The following WDR4 variants were observed in gnomAD, a reference collection of about 807,000 sequenced individuals.
WDR4 encodes the protein WDR4 tRNA N7-guanosine methyltransferase non-catalytic subunit.
A neutral mutation model predicts 48.6 loss-of-function variants in WDR4; 47 were observed. That is an observed-to-expected ratio of 0.97 (90% CI 0.77 to 1.23). The LOEUF (loss-of-function observed/expected upper bound fraction) is 1.23, where lower values mean the gene tolerates loss of function less well. WDR4 is among the 50% of genes most tolerant of loss of function. The pLI is 0.00. For missense variants in WDR4, 606 were observed against 551.6 expected, an observed-to-expected ratio of 1.10 and a Z score of -0.99; for synonymous variants, 268 against 230.0, an observed-to-expected ratio of 1.17 and a Z score of -1.49.
At chr21:42,859,045 G>A (rs1412022419) in intron 6 of WDR4, among the ~76,000 whole-genome samples, 2 of 152,050 alleles carry the variant, frequency 1.3e-5, no homozygotes, top group East Asian at 1.9e-4. Flanking sequence ...GAGAAAACAC[G>A]TCTCTCATCA....
At chr21:42,886,272 A>G in the WDR4 span, among the ~76,000 whole-genome samples, 1 of 152,100 alleles carries the variant, frequency 6.6e-6, no homozygotes. Flanking sequence ...TTTTTTTAAG[A>G]ACATTCACGT....
At chr21:42,859,605 C>CA in intron 6 of WDR4, 57 bp downstream of exon 6, 1 of 1,071,984 alleles carries the variant, frequency 9.3e-7, no homozygotes, top group Non-Finnish European at 1.4e-6. Flanking sequence ...GCGCCCACCC[C>CA]ACCCTCCCTG....
intron 6 of WDR4, among the ~76,000 whole-genome samples, chr21:42,856,088 C>T (rs1009826464): frequency 4.6e-5 from 7 of 152,316 alleles, no homozygotes; most frequent in Non-Finnish European, 8.8e-5. Flanking sequence ...GGTTGTCATC[C>T]GCCAGGAGGC....
At position 42,873,616 on chromosome 21, in the gene WDR4, A is replaced by G. The variant is rs1465907334; in HGVS notation, c.231T>C (p.Ala77=). ...TCAGACGCTTACTGTCATCGGTTAA[A>G]GCAAAATAGCTGCCAGACTTGGAGA... is the stretch of plus-strand genomic sequence containing the variant. ...STFSKSGSYF[A]LTDDSKRLIL... Residue 77 remains alanine (A), a synonymous_variant, in exon 3 of 11, where the codon GCT becomes GCC. Coordinates refer to ENST00000398208, the MANE Select transcript of WDR4 (RefSeq NM_018669.6). 7 of 1,614,222 alleles carry G rather than the reference A, an allele frequency of 4.3e-6. No homozygotes were observed. The highest frequency in any genetic ancestry group is 3.3e-4 in the Middle Eastern group (2 of 6,062).
chr21:42,863,569 C>T lies in WDR4; in HGVS notation c.324G>A (p.Leu108=), dbSNP rs1484984953. Residue 108 remains leucine (L), a synonymous_variant, in exon 4 of 11, where the codon CTG becomes CTA. Transcript: ENST00000398208. ...VRTVARRCTA[L]TFIASEEKVL... ...CCTTCTCCTCCGAGGCTATGAAAGT[C>T]AGGGCTGTACACCTCCTTGCCACGG... 1 of 1,613,932 alleles carries T rather than the reference C, an allele frequency of 6.2e-7. No homozygotes were observed. The highest frequency in any genetic ancestry group is 8.5e-7 in the Non-Finnish European group (1 of 1,179,968).
intron 3 of WDR4, among the ~76,000 whole-genome samples, chr21:42,872,995 G>C (rs2058406668): frequency 6.6e-6 from 1 of 152,230 alleles, no homozygotes; most frequent in Non-Finnish European, 1.5e-5. Flanking sequence ...ACTTTGCTAA[G>C]TAAGAGGGCA....
At position 42,860,062 on chromosome 21, in the gene WDR4, G is replaced by A. The variant is rs373949638; in HGVS notation, c.567-340C>T. 3.3e-4 allele frequency among the ~76,000 whole-genome samples: 50 copies of A among 152,220 alleles called. 1 individual carries two copies. The East Asian group carries it at 5.2e-3, about 16-fold the overall frequency. The stretch of plus-strand genomic sequence containing the variant: ...CCCCTCTGCAGCAGCTCTGCTCAGC[G>A]GCACCTCTACAGGCCCCCCAGCACC... On this transcript the variant is annotated intron_variant, in intron 5 of 10. Coordinates refer to ENST00000398208, the MANE Select transcript of WDR4 (RefSeq NM_018669.6).
intron 8 of WDR4, among the ~76,000 whole-genome samples, chr21:42,854,274 C>T (rs1050670671): frequency 2.6e-5 from 4 of 152,232 alleles, no homozygotes; most frequent in Middle Eastern, 3.2e-3. Context: ...GATGCCACCA[C>T]GACTGGCCCA....
rs997910764 is a variant in WDR4, at chr21:42,849,732, T to C, written c.*317A>G. ...GATGCAGCGGACACGAAGGGCGGTA[T>C]GAGAACAGGAGAAACACAGACAGCT... On this transcript the variant is annotated 3_prime_UTR_variant, in exon 11 of 11. Transcript: ENST00000398208. 10 of 277,296 alleles carry C rather than the reference T, an allele frequency of 3.6e-5. No homozygotes were observed. The highest frequency in any genetic ancestry group is 2.2e-4 in the African/African-American group (10 of 44,720). The allele number at this position is 277,296 out of a possible 1,614,324, so 17.2% of individuals were successfully genotyped here. A position where few individuals can be genotyped will look rare whatever the true frequency, so the allele number is the denominator to read the frequency against.
Position 42,849,667 on chromosome 21 carries a change from C to T in WDR4, c.*382G>A, listed in dbSNP as rs556168315. The T allele has an allele frequency of 2.0e-4, 36 of 176,056 alleles. No homozygotes were observed. In the South Asian group the frequency reaches 4.4e-3, roughly 22 times the overall value. 10.9% of individuals were successfully genotyped at this position (176,056 alleles called of 1,614,324 possible). On this transcript the variant is annotated 3_prime_UTR_variant, in exon 11 of 11. Coordinates refer to ENST00000398208, the MANE Select transcript of WDR4 (RefSeq NM_018669.6). The stretch of plus-strand genomic sequence containing the variant: ...CGGCGGAACAACATGAAAACATCCA[C>T]CATGCCAGAAACGTCAGCCCACAGA...
chr21:42,873,678 AG>A lies in WDR4; in HGVS notation c.168del (p.Leu57TrpfsTer22). 1 of 1,614,014 alleles carries A rather than the reference AG, an allele frequency of 6.2e-7. No individual in the cohort carries two copies. The highest frequency in any genetic ancestry group is 8.5e-7 in the Non-Finnish European group (1 of 1,179,944). ...KSQENKGEDA[P>X]LDQGSGAILA... ...AGAATCGCACCGCTCCCCTGGTCCA[AG>A]GGCGCGTCCTCCCTGAGGAAGAGAG... is the stretch of plus-strand genomic sequence containing the variant. On this transcript the variant is annotated frameshift_variant, in exon 3 of 11. Coordinates refer to ENST00000398208, the MANE Select transcript of WDR4 (RefSeq NM_018669.6). LOFTEE classifies it high-confidence loss of function.
chr21:42,887,533 T>C, the WDR4 span, among the ~76,000 whole-genome samples: 17 of 152,152 alleles, frequency 1.1e-4, no homozygotes, highest in African/African-American at 3.9e-4. Flanking sequence ...AGTAGATACT[T>C]AGAGCACTTG....
chr21:42,892,562 G>GAT, the WDR4 span, among the ~76,000 whole-genome samples: 3 of 84,928 alleles, frequency 3.5e-5, no homozygotes, highest in Non-Finnish European at 6.9e-5. Context: ...GGAAGCTGAA[G>GAT]GTGGCACGTC....
intron 3 of WDR4, among the ~76,000 whole-genome samples, chr21:42,867,559 ATACTTACTGGC>A (rs1277791982): frequency 6.6e-6 from 1 of 152,142 alleles, no homozygotes; most frequent in Non-Finnish European, 1.5e-5. Context: ...ATATTTGCAA[ATACTTACTGGC>A]TCAGCATCCC....
At chr21:42,892,115 G>A in the WDR4 span, among the ~76,000 whole-genome samples, 16 of 151,904 alleles carry the variant, frequency 1.1e-4, no homozygotes, top group Non-Finnish European at 5.9e-5. Flanking sequence ...TTAGCCGGGC[G>A]TGGTGGCGGG....
chr21:42,852,270 A>G lies in WDR4; in HGVS notation c.1030T>C (p.Trp344Arg), dbSNP rs1367217528. The stretch of plus-strand genomic sequence containing the variant: ...GTGCTCTCACCTTCCAGCATGGCCC[A>G]GTTCCCACGAAGAACACCAGAGACT... ...KKVSGVLRGN[W>R]AMLEGSAGAD... The change falls in exon 10 of 11, where the codon TGG becomes CGG. Residue 344 changes from tryptophan (W) to arginine (R), a missense_variant. Transcript: ENST00000398208. 4 of 1,614,168 alleles carry G rather than the reference A, an allele frequency of 2.5e-6. No homozygotes were observed. Among genetic ancestry groups the G allele is most frequent in the Non-Finnish European group, 3.4e-6 (4 of 1,180,022 alleles).
At chr21:42,877,847 AG>A (rs1285624425) in intron 1 of WDR4, among the ~76,000 whole-genome samples, 1 of 152,038 alleles carries the variant, frequency 6.6e-6, no homozygotes, top group Non-Finnish European at 1.5e-5. Context: ...GATCGAGACC[AG>A]CCTGGCTAAC....
At position 42,850,139 on chromosome 21, in the gene WDR4, T is replaced by C. The variant is rs141128863; in HGVS notation, c.1149A>G (p.Leu383=). ...KKKEERLQQQ[L]EKKQRRRSPP... ...GACTCCGGCGCCGCTGCTTCTTCTCTAGCTGCTGCTGCAGTCTCTCCTCTT... is the reference window on the plus strand; with the variant it reads ...GACTCCGGCGCCGCTGCTTCTTCTCCAGCTGCTGCTGCAGTCTCTCCTCTT... Residue 383 remains leucine (L), a synonymous_variant, in exon 11 of 11, where the codon CTA becomes CTG. Transcript: ENST00000398208. The C allele has an allele frequency of 1.0e-3, 1,666 of 1,613,994 alleles. 3 individuals are homozygous for C. The highest frequency in any genetic ancestry group is 1.3e-3 in the Non-Finnish European group (1,551 of 1,180,002).
intron 2 of WDR4, among the ~76,000 whole-genome samples, chr21:42,876,216 C>CTTTTTTTT (rs1491253275): frequency 6.6e-5 from 4 of 60,926 alleles, no homozygotes; most frequent in African/African-American, 2.8e-4. Context: ...TAACACTGTA[C>CTTTTTTTT]TCTTTTTTTT....
Sources: allele counts gnomAD v4.1 joint callset (sites outside exome capture counted in the v4.1 genomes callset), GRCh38; gene constraint gnomAD v4.1.1; transcripts MANE v1.5; gene names NCBI Gene and HGNC (gene_info 2026-07-23, HGNC 2026-07-21).